CRAT: variants seen among roughly 807,000 people sequenced by gnomAD.
CRAT encodes the protein carnitine O-acetyltransferase.
A neutral mutation model predicts 73.7 loss-of-function variants in CRAT; 66 were observed. The ratio of observed to expected loss-of-function variants is 0.90; its 90% confidence interval spans 0.73 to 1.10. The LOEUF (loss-of-function observed/expected upper bound fraction) is 1.10, where lower values mean the gene tolerates loss of function less well. Among genes scored for constraint, CRAT ranks in the 50% least tolerant of loss-of-function variants. CRAT has a pLI of 0.00. For missense variants in CRAT, 745 were observed against 846.9 expected (o/e 0.88, Z 1.49); for synonymous variants, 321 against 343.2 (o/e 0.94, Z 0.71).
rs141122671 is a variant in CRAT, at chr9:129,100,678, G to A, written c.817C>T (p.Arg273Trp). ...YNTLIKDKVN[R>W]DSVRSIQKSI... Reference sequence around the variant, plus strand: ...TTCTGGATGGAGCGCACGGAATCCCGGTTCACCTTGTCTGCAGGTGGCATG... The same window carrying A: ...TTCTGGATGGAGCGCACGGAATCCCAGTTCACCTTGTCTGCAGGTGGCATG... Residue 273 changes from arginine (R) to tryptophan (W), a missense_variant, in exon 7 of 14, where the codon CGG (arginine) becomes TGG (tryptophan). Arg to Trp is a moderately radical substitution (Grantham distance 101). Coordinates refer to ENST00000318080, the MANE Select transcript of CRAT (RefSeq NM_000755.5). The A allele has an allele frequency of 6.5e-4, 1,056 of 1,613,356 alleles. 1 individual carries two copies. Among genetic ancestry groups the A allele is most frequent in the Non-Finnish European group, 8.5e-4 (999 of 1,179,552 alleles).
Position 129,106,582 on chromosome 9 carries a change from C to T in CRAT, c.291+1232G>A, listed in dbSNP as rs913502599. ...GAAGGAGTCCCAGGCTAAATGAAGTCGGAAAACCACCAGCCCCCAGACGCT... is the reference window on the plus strand; with the variant it reads ...GAAGGAGTCCCAGGCTAAATGAAGTTGGAAAACCACCAGCCCCCAGACGCT... On this transcript the variant is annotated intron_variant, in intron 2 of 13. Transcript: ENST00000318080. The surrounding 1 kb of genome is among the most constrained non-coding windows in gnomAD (Gnocchi z 4.0). Among the ~76,000 whole-genome samples, 7 of 152,018 alleles carry T rather than the reference C, an allele frequency of 4.6e-5. No individual in the cohort carries two copies. The highest frequency in any genetic ancestry group is 2.9e-5 in the Non-Finnish European group (2 of 68,004).
chr9:129,097,999 C>A lies in CRAT; in HGVS notation c.1464+14G>T. 3 of 1,611,930 alleles carry A rather than the reference C, an allele frequency of 1.9e-6. No individual in the cohort carries two copies. The highest frequency in any genetic ancestry group is 2.5e-6 in the Non-Finnish European group (3 of 1,179,318). On this transcript the variant is annotated intron_variant, in intron 11 of 13. Transcript: ENST00000318080. ...TCAGGCCCAGCTCACCCACCCTCGC[C>A]CCAGACCTCTCACCGTGACGCTGGA...
intron 1 of CRAT, chr9:129,109,181 G>C (rs772008698): frequency 1.5e-6 from 2 of 1,304,206 alleles, no homozygotes; most frequent in South Asian, 2.5e-5. Context: ...AAATCCACCT[G>C]TCAGAATCTG....
chr9:129,101,581 T>C (rs17508605), intron 6 of CRAT, among the ~76,000 whole-genome samples: 6,138 of 152,338 alleles, frequency 0.04, 407 homozygotes, highest in African/African-American at 0.14. Context: ...TCATTTAAAC[T>C]GCTATTGCTA....
At chr9:129,099,533 T>C (rs928639392) in intron 8 of CRAT, among the ~76,000 whole-genome samples, 9 of 151,920 alleles carry the variant, frequency 5.9e-5, no homozygotes, top group African/African-American at 1.9e-4. Flanking sequence ...TTCAAGCAAT[T>C]CTCCTGCCTC....
intron 3 of CRAT, 110 bp downstream of exon 3, chr9:129,104,078 G>C: frequency 1.5e-6 from 1 of 679,188 alleles, no homozygotes; most frequent in South Asian, 1.8e-5. Flanking sequence ...ACTTCATAAG[G>C]CTGCTTGTGG....
chr9:129,096,153 C>T lies in CRAT; in HGVS notation c.1528-18G>A, dbSNP rs536031300. 8.7e-6 allele frequency: 14 copies of T among 1,611,536 alleles called. No individual in the cohort carries two copies. In the African/African-American group the frequency reaches 1.9e-4, roughly 21 times the overall value. On this transcript the variant is annotated intron_variant, in intron 12 of 13. Transcript: ENST00000318080. ...CGGATGGCCTGTTGGGGTGGGAGAG[C>T]TGTCAGGAGCAGGGGCTGTGGACCC...
In CRAT at chr9:129,096,118, G is replaced by A; in HGVS notation, c.1545C>T (p.Ala515=). ...GYTDRAIRGE[A]FDRHLLGLKL... is the part of the protein sequence containing the mutation. ...TCAGGCCCAGCAGGTGTCGATCAAA[G>A]GCCTCCCCGCGGATGGCCTGTTGGG... is the stretch of plus-strand genomic sequence containing the variant. Residue 515 remains alanine, a synonymous_variant, in exon 13 of 14, where the codon GCC becomes GCT. Coordinates refer to ENST00000318080, the MANE Select transcript of CRAT (RefSeq NM_000755.5). The A allele has an allele frequency of 6.2e-7, 1 of 1,613,474 alleles. No homozygotes were observed.
At chr9:129,100,786 G>T in intron 6 of CRAT, 97 bp from the exon 7 acceptor site, 2 of 1,426,544 alleles carry the variant, frequency 1.4e-6, no homozygotes, top group South Asian at 1.4e-5. Flanking sequence ...GGGCTCTTCT[G>T]ACCCATTTGT....
At chr9:129,097,414 G>A in intron 11 of CRAT, 102 bp from the exon 12 acceptor site, 1 of 923,668 alleles carries the variant, frequency 1.1e-6, no homozygotes. Context: ...AGCTCTTTAA[G>A]AGGAAATATT....
At position 129,102,976 on chromosome 9, in the gene CRAT, G is replaced by A. The variant is rs778271032; in HGVS notation, c.464+37C>T. On this transcript the variant is annotated intron_variant, in intron 4 of 13. Transcript: ENST00000318080. ...TGGCTGTGGTAATTAAGCAGGCCTG[G>A]GCAGGTGTGGGGCTGGGCAGGGGTG... is the stretch of plus-strand genomic sequence containing the variant. 2.5e-6 allele frequency: 4 copies of A among 1,586,738 alleles called. No homozygotes were observed. In the South Asian group the frequency reaches 4.4e-5, roughly 18 times the overall value.
At chr9:129,104,686 G>A (rs1290567690) in intron 2 of CRAT, among the ~76,000 whole-genome samples, 3 of 151,660 alleles carry the variant, frequency 2.0e-5, no homozygotes, top group South Asian at 2.1e-4. Flanking sequence ...CTCACTGCAA[G>A]CTCCGCCTCC....
rs1241628737 is a variant in CRAT at position 129,106,536 on chromosome 9, T to C, written c.291+1278A>G. Among the ~76,000 whole-genome samples the C allele has an allele frequency of 6.6e-6, 1 of 151,670 alleles. No homozygotes were observed. On this transcript the variant is annotated intron_variant, in intron 2 of 13. Transcript: ENST00000318080. This position sits in a 1 kb window ranked among gnomAD's most constrained non-coding sequence, Gnocchi z 4.0. ...GTGGAAGGAGGGGTGCCCCCACCCC[T>C]TTAACCAGGAGCTTCTGTTTGAAGG...
chr9:129,097,943 T>A (rs1847384424), intron 11 of CRAT, 70 bp downstream of exon 11: 1 of 1,574,062 alleles, frequency 6.4e-7, no homozygotes, highest in African/African-American at 1.3e-5. Context: ...TCAATTATTG[T>A]GTGTTGACTG....
intron 12 of CRAT, 151 bp downstream of exon 12, chr9:129,097,099 A>T: frequency 1.7e-6 from 1 of 576,186 alleles, no homozygotes. Flanking sequence ...GTTGGGGGCT[A>T]TTCAGCCTGG....
chr9:129,108,057 C>G lies in CRAT; in HGVS notation c.48G>C (p.Leu16=), dbSNP rs1298989295. The change falls in exon 2 of 14, where the codon CTG becomes CTC. Residue 16 remains leucine, a synonymous_variant. Coordinates refer to ENST00000318080, the MANE Select transcript of CRAT (RefSeq NM_000755.5). ...ARTVVKPLGF[L]KPFSLMKASS... Reference sequence around the variant, plus strand: ...AAGCCTTCATCAAGGAGAAGGGCTTCAGGAAGCCCAGAGGCTTCACCTGCA... The same window carrying G: ...AAGCCTTCATCAAGGAGAAGGGCTTGAGGAAGCCCAGAGGCTTCACCTGCA... The G allele has an allele frequency of 6.5e-7, 1 of 1,527,552 alleles. No homozygotes were observed. The highest frequency in any genetic ancestry group is 1.3e-5 in the South Asian group (1 of 78,540). 94.6% of individuals were successfully genotyped at this position (1,527,552 alleles called of 1,614,324 possible).
chr9:129,096,166 G>T, intron 12 of CRAT, 31 bp from the exon 13 acceptor site: 1 of 1,610,250 alleles, frequency 6.2e-7, no homozygotes, highest in Non-Finnish European at 8.5e-7. Flanking sequence ...TCAGGAGCAG[G>T]GGCTGTGGAC....
rs563493762 is a variant in CRAT at position 129,110,569 on chromosome 9, C to T, written c.-60G>A. The T allele has an allele frequency of 9.0e-3, 6,401 of 707,826 alleles. 63 individuals are homozygous for T. The highest frequency in any genetic ancestry group is 0.072 in the Admixed American group (1,279 of 17,804). 43.8% of individuals were successfully genotyped at this position (707,826 alleles called of 1,614,324 possible). A position where few individuals can be genotyped will look rare whatever the true frequency, so the allele number is the denominator to read the frequency against. ...CGCCCCACACACCGGGCAAAGTCCGCGCCGCCGCCGCCGCGGCTGGGGTCG... is the reference window on the plus strand; with the variant it reads ...CGCCCCACACACCGGGCAAAGTCCGTGCCGCCGCCGCCGCGGCTGGGGTCG... On this transcript the variant is annotated 5_prime_UTR_variant, in exon 1 of 14. Coordinates refer to ENST00000318080, the MANE Select transcript of CRAT (RefSeq NM_000755.5). This position sits in a 1 kb window ranked among gnomAD's most constrained non-coding sequence, Gnocchi z 5.3.
rs1318372545 is a variant in CRAT at position 129,094,970 on chromosome 9, C to G, written c.*427G>C. On this transcript the variant is annotated 3_prime_UTR_variant, in exon 14 of 14. Coordinates refer to ENST00000318080, the MANE Select transcript of CRAT (RefSeq NM_000755.5). The stretch of plus-strand genomic sequence containing the variant: ...CCTGGCCCCTCGGCCCCAGACAATC[C>G]TGTCTCCAGGTCCTGGGAGTTTGGG... The G allele has an allele frequency of 4.8e-6, 1 of 210,056 alleles. No individual in the cohort carries two copies. Among genetic ancestry groups the G allele is most frequent in the African/African-American group, 2.3e-5 (1 of 43,090 alleles). 13.0% of individuals were successfully genotyped at this position (210,056 alleles called of 1,614,324 possible).
Sources: gnomAD v4.1 joint callset for allele counts (sites outside exome capture counted in the v4.1 genomes callset) on GRCh38, gnomAD v4.1.1 for gene constraint, Gnocchi (gnomAD v3.1) non-coding constraint, MANE v1.5 for transcripts, NCBI Gene and HGNC (gene_info 2026-07-23, HGNC 2026-07-21) for gene names.